Variants in GRIK4 observed in about 807,000 individuals in gnomAD.
GRIK4 encodes the protein glutamate receptor ionotropic, kainate 4.
In GRIK4, 40 loss-of-function variants were observed where a neutral mutation model predicts 104.9. That is an observed-to-expected ratio of 0.38 (90% CI 0.30 to 0.50). GRIK4 has a LOEUF of 0.50. Ranked by LOEUF, GRIK4 falls within the 20% of genes least tolerant of loss-of-function variation. The pLI is 0.93. For synonymous variants in GRIK4, 485 were observed against 524.9 expected, an observed-to-expected ratio of 0.92 and a Z score of 1.04; for missense variants, 1,047 against 1,308.1, an observed-to-expected ratio of 0.80 and a Z score of 3.08.
In GRIK4 at chr11:120,898,532, A is replaced by C; in HGVS notation, c.1165A>C (p.Ile389Leu). ...CAGTCCTCTCCGTTGGTCTCCTCAG[A>C]TCGGCCAGTGGCACGTGGCAGAGGG... ...LQFTRNGFRQ[I>L]GQWHVAEGLS... The change falls in exon 12 of 21, where the codon ATC becomes CTC. Residue 389 changes from isoleucine (I) to leucine (L), a missense_variant and splice_region_variant. Ile to Leu is a conservative substitution (Grantham distance 5). Coordinates refer to ENST00000527524, the MANE Select transcript of GRIK4 (RefSeq NM_014619.5). 1.3e-6 allele frequency: 2 copies of C among 1,575,878 alleles called. No individual in the cohort carries two copies.
chr11:120,682,538 G>A (rs1950211188), intron 3 of GRIK4, among the ~76,000 whole-genome samples: 1 of 151,532 alleles, frequency 6.6e-6, no homozygotes, highest in Admixed American at 6.6e-5. Flanking sequence ...TCCTGATTTA[G>A]GGCCGTATCC....
At chr11:120,531,927 C>CA (rs1278401685) in intron 1 of GRIK4, among the ~76,000 whole-genome samples, 1 of 152,156 alleles carries the variant, frequency 6.6e-6, no homozygotes, top group African/African-American at 2.4e-5. Flanking sequence ...CCAAGGATGT[C>CA]ATACCAGTGA....
chr11:120,569,028 T>C (rs1312181988), intron 1 of GRIK4, among the ~76,000 whole-genome samples: 1 of 152,260 alleles, frequency 6.6e-6, no homozygotes. Flanking sequence ...GAACAACGGC[T>C]GTTGCCATTT....
intron 1 of GRIK4, chr11:120,619,935 C>A: frequency 2.8e-6 from 1 of 357,506 alleles, no homozygotes; most frequent in South Asian, 7.8e-5. Context: ...TTTTATTTGA[C>A]AATCTAGGAA....
chr11:120,815,434 G>C lies in GRIK4; in HGVS notation c.304G>C (p.Ala102Pro). The C allele has an allele frequency of 6.4e-7, 1 of 1,552,852 alleles. No homozygotes were observed. Among genetic ancestry groups the C allele is most frequent in the Non-Finnish European group, 8.7e-7 (1 of 1,147,456 alleles). Residue 102 changes from alanine to proline, a missense_variant, in exon 5 of 21, where the codon GCC becomes CCC. Ala to Pro is a conservative substitution (Grantham distance 27, BLOSUM62 -1). Transcript: ENST00000527524. ...TGTCCTCGGACCATCGTCCAGCCCAGCCTCCAGCTCCATCATCAGCAACAT... is the reference window on the plus strand; with the variant it reads ...TGTCCTCGGACCATCGTCCAGCCCACCCTCCAGCTCCATCATCAGCAACAT... The part of the protein sequence containing the change: ...VAVLGPSSSP[A>P]SSSIISNICG...
chr11:120,795,719 G>A (rs1337474365), intron 3 of GRIK4, among the ~76,000 whole-genome samples: 2 of 152,178 alleles, frequency 1.3e-5, no homozygotes, highest in Non-Finnish European at 1.5e-5. Flanking sequence ...ATTAATTTGG[G>A]ATGGGGAGTT....
intron 3 of GRIK4, among the ~76,000 whole-genome samples, chr11:120,753,151 G>C (rs1951586867): frequency 6.6e-6 from 1 of 152,252 alleles, no homozygotes; most frequent in Non-Finnish European, 1.5e-5. Flanking sequence ...GAAAGCTCTG[G>C]AGTTTTGCCC....
At chr11:120,805,189 T>C (rs1238325203) in intron 4 of GRIK4, among the ~76,000 whole-genome samples, 1 of 152,164 alleles carries the variant, frequency 6.6e-6, no homozygotes, top group African/African-American at 2.4e-5. Flanking sequence ...CAACAACTCC[T>C]TGTGAACCCC....
chr11:120,922,152 C>G (rs1244778582), intron 13 of GRIK4, among the ~76,000 whole-genome samples: 1 of 152,186 alleles, frequency 6.6e-6, no homozygotes. Flanking sequence ...ACAATACTTG[C>G]TTTACAAATG....
intron 1 of GRIK4, among the ~76,000 whole-genome samples, chr11:120,575,573 T>G (rs1948472102): frequency 6.6e-6 from 1 of 151,800 alleles, no homozygotes; most frequent in Non-Finnish European, 1.5e-5. Flanking sequence ...GGGTGTGGGT[T>G]TGGGGTGTGT....
At chr11:120,584,921 A>G (rs1243116562) in intron 1 of GRIK4, among the ~76,000 whole-genome samples, 2 of 152,166 alleles carry the variant, frequency 1.3e-5, no homozygotes, top group African/African-American at 4.8e-5. Context: ...ATCATGGTAG[A>G]TTAGCTTTTT....
At chr11:120,843,179 C>T (rs912670401) in intron 8 of GRIK4, among the ~76,000 whole-genome samples, 29 of 152,272 alleles carry the variant, frequency 1.9e-4, no homozygotes, top group Admixed American at 1.8e-3. Flanking sequence ...TGAGCTGCTA[C>T]GGCATTGCAG....
intron 3 of GRIK4, among the ~76,000 whole-genome samples, chr11:120,660,705 G>A (rs557467090): frequency 3.3e-5 from 5 of 152,324 alleles, no homozygotes; most frequent in Non-Finnish European, 7.3e-5. Flanking sequence ...AGGAGGGTGA[G>A]GATGGCCATG....
chr11:120,760,395 A>G (rs1447264417), intron 3 of GRIK4, among the ~76,000 whole-genome samples: 2 of 146,682 alleles, frequency 1.4e-5, no homozygotes, highest in Non-Finnish European at 3.0e-5. Context: ...ATATATACAT[A>G]TATATAAACA....
intron 1 of GRIK4, among the ~76,000 whole-genome samples, chr11:120,582,772 G>T (rs1399781097): frequency 6.6e-6 from 1 of 152,124 alleles, no homozygotes; most frequent in Non-Finnish European, 1.5e-5. Context: ...TGGGCATTTA[G>T]GTTGATTCCA....
At chr11:120,904,986 A>G (rs1942833817) in intron 12 of GRIK4, among the ~76,000 whole-genome samples, 1 of 152,158 alleles carries the variant, frequency 6.6e-6, no homozygotes, top group Non-Finnish European at 1.5e-5. Context: ...GTAGAAAAAA[A>G]AGAGAGAGAT....
At chr11:120,532,056 A>G (rs1429659298) in intron 1 of GRIK4, among the ~76,000 whole-genome samples, 1 of 152,178 alleles carries the variant, frequency 6.6e-6, no homozygotes, top group African/African-American at 2.4e-5. Context: ...GTCTCCATTC[A>G]GGAGCGCACC....
At chr11:120,857,007 CCCAGACA>C (rs1407908442) in intron 8 of GRIK4, among the ~76,000 whole-genome samples, 3 of 152,156 alleles carry the variant, frequency 2.0e-5, no homozygotes, top group African/African-American at 7.2e-5. Flanking sequence ...CCTCCATGTT[CCCAGACA>C]CCAGACACTA....
At chr11:120,899,033 C>A (rs1196456787) in intron 12 of GRIK4, among the ~76,000 whole-genome samples, 1 of 152,182 alleles carries the variant, frequency 6.6e-6, no homozygotes, top group African/African-American at 2.4e-5. Flanking sequence ...GGACCCTCCC[C>A]CACCACATCC....
Sources: gnomAD v4.1 joint callset for allele counts (sites outside exome capture counted in the v4.1 genomes callset) on GRCh38, gnomAD v4.1.1 for gene constraint, MANE v1.5 for transcripts, NCBI Gene and HGNC (gene_info 2026-07-23, HGNC 2026-07-21) for gene names.